The following PLEKHA2 variants were observed in gnomAD, a reference collection of about 807,000 sequenced individuals.
PLEKHA2 encodes pleckstrin homology domain-containing family A member 2.
In PLEKHA2, 28 loss-of-function variants were observed where a neutral mutation model predicts 53.2. The ratio of observed to expected loss-of-function variants is 0.53; its 90% CI spans 0.39 to 0.72. The LOEUF (loss-of-function observed/expected upper bound fraction) is 0.72, where lower values mean the gene tolerates loss of function less well. Among genes scored for constraint, PLEKHA2 ranks in the 30% least tolerant of loss-of-function variants. The probability of loss-of-function intolerance (pLI) is 0.00; values close to 1 mark genes in which losing one functional copy is unlikely to be tolerated. For synonymous variants in PLEKHA2, 193 were observed against 196.4 expected (o/e 0.98, Z 0.14); for missense variants, 426 against 537.9 (o/e 0.79, Z 2.06).
rs569906409 is a variant in PLEKHA2 at position 38,970,106 on chromosome 8, C to T, written c.*323C>T. ...TCTTCCTGGAGAGGGATTGTTTTAG[C>T]AGCTCCTCTCCAGAGGGGGCTGGAA... On this transcript the variant is annotated 3_prime_UTR_variant, in exon 12 of 12. Transcript: ENST00000617275. 4 of 464,904 alleles carry T rather than the reference C, an allele frequency of 8.6e-6. No homozygotes were observed. The highest frequency in any genetic ancestry group is 5.1e-5 in the South Asian group (1 of 19,592). 28.8% of individuals were successfully genotyped at this position (464,904 alleles called of 1,614,324 possible).
intron 1 of PLEKHA2, chr8:38,902,059 C>T (rs1330749533): frequency 2.6e-5 from 4 of 152,334 alleles, no homozygotes; most frequent in Non-Finnish European, 4.4e-5. Flanking sequence ...AAGGACTGCC[C>T]TAAAATGCAG....
intron 5 of PLEKHA2, among the ~76,000 whole-genome samples, chr8:38,950,310 A>T (rs1459578280): frequency 1.3e-5 from 2 of 152,164 alleles, no homozygotes; most frequent in Admixed American, 6.5e-5. Context: ...CTGGGGTTAC[A>T]GGTGTGAGGC....
intron 10 of PLEKHA2, among the ~76,000 whole-genome samples, chr8:38,962,630 A>C (rs73617908): frequency 0.011 from 1,605 of 152,350 alleles, 28 homozygotes; most frequent in African/African-American, 0.037. Context: ...CTACCAGGCA[A>C]GTAGAGGTCA....
At chr8:38,955,817 T>C (rs1025102308) in intron 9 of PLEKHA2, among the ~76,000 whole-genome samples, 1 of 152,170 alleles carries the variant, frequency 6.6e-6, no homozygotes, top group Non-Finnish European at 1.5e-5. Flanking sequence ...TGCTTCCTTA[T>C]GTTCTTTTTT....
At chr8:38,930,987 C>T (rs188439063) in intron 2 of PLEKHA2, among the ~76,000 whole-genome samples, 4 of 152,160 alleles carry the variant, frequency 2.6e-5, no homozygotes, top group African/African-American at 7.2e-5. Flanking sequence ...AGAAATCTCC[C>T]GAGGTGGCCA....
Position 38,917,954 on chromosome 8 carries a change from C to A in PLEKHA2, c.25C>A (p.Arg9=). Residue 9 remains arginine, a synonymous_variant, in exon 2 of 12, where the codon CGA becomes AGA. Transcript: ENST00000617275. MPYVDRQN[R]ICGFLDIEEH... ...AATGCCTTATGTGGATCGGCAGAACCGAATCTGTGGGTTTCTGGACATCGA... is the reference window on the plus strand; with the variant it reads ...AATGCCTTATGTGGATCGGCAGAACAGAATCTGTGGGTTTCTGGACATCGA... The A allele has an allele frequency of 6.2e-7, 1 of 1,613,566 alleles. No homozygotes were observed. Among genetic ancestry groups the A allele is most frequent in the Non-Finnish European group, 8.5e-7 (1 of 1,179,678 alleles).
At chr8:38,952,820 G>T in intron 8 of PLEKHA2, 116 bp downstream of exon 8, 2 of 1,074,632 alleles carry the variant, frequency 1.9e-6, no homozygotes, top group Non-Finnish European at 2.7e-6. Context: ...GACTTCAAAG[G>T]CGCCTCTGTC....
intron 10 of PLEKHA2, 86 bp downstream of exon 10, chr8:38,957,472 T>G: frequency 1.7e-6 from 2 of 1,202,062 alleles, no homozygotes; most frequent in Non-Finnish European, 2.4e-6. Context: ...TTGCTTTCTC[T>G]TTTCATTTGC....
chr8:38,949,673 CT>C (rs1834789256), intron 5 of PLEKHA2, among the ~76,000 whole-genome samples: 2 of 152,170 alleles, frequency 1.3e-5, no homozygotes, highest in South Asian at 4.1e-4. Context: ...CAAAAGGGCT[CT>C]GTGTATAATT....
intron 3 of PLEKHA2, among the ~76,000 whole-genome samples, chr8:38,938,844 G>A (rs954498006): frequency 1.3e-5 from 2 of 152,152 alleles, no homozygotes; most frequent in African/African-American, 4.8e-5. Context: ...CATGAGAGGA[G>A]GTGAAGCCAC....
At chr8:38,951,140 C>A in intron 6 of PLEKHA2, 150 bp downstream of exon 6, 1 of 806,304 alleles carries the variant, frequency 1.2e-6, no homozygotes, top group Non-Finnish European at 1.9e-6. Flanking sequence ...AAGTACAGGT[C>A]ATGTTACATC....
chr8:38,930,737 C>T (rs1246459478), intron 2 of PLEKHA2, among the ~76,000 whole-genome samples: 5 of 152,208 alleles, frequency 3.3e-5, no homozygotes, highest in African/African-American at 4.8e-5. Context: ...CCTCCTTCCT[C>T]TCTGTTGGCT....
chr8:38,953,678 A>G (rs544852925), intron 9 of PLEKHA2, among the ~76,000 whole-genome samples: 1 of 152,322 alleles, frequency 6.6e-6, no homozygotes, highest in Non-Finnish European at 1.5e-5. Flanking sequence ...AGGTGTTAGG[A>G]TTAGATGCTC....
intron 2 of PLEKHA2, among the ~76,000 whole-genome samples, chr8:38,933,781 A>AG (rs1834437722): frequency 7.0e-6 from 1 of 142,744 alleles, no homozygotes; most frequent in Non-Finnish European, 1.5e-5. Context: ...GGTTTCCTAA[A>AG]AAAAAAAAAA....
intron 10 of PLEKHA2, among the ~76,000 whole-genome samples, 166 bp from the exon 11 acceptor site, chr8:38,968,426 G>T (rs562574029): frequency 6.6e-6 from 1 of 152,264 alleles, no homozygotes; most frequent in East Asian, 1.9e-4. Flanking sequence ...AGATATTGCA[G>T]GGAAAACATG....
At chr8:38,926,016 C>T (rs1381475821) in intron 2 of PLEKHA2, among the ~76,000 whole-genome samples, 1 of 152,178 alleles carries the variant, frequency 6.6e-6, no homozygotes, top group South Asian at 2.1e-4. Flanking sequence ...CAAATTTCTC[C>T]CTCCCACTTC....
At chr8:38,917,230 C>T (rs1005176855) in intron 1 of PLEKHA2, among the ~76,000 whole-genome samples, 1 of 152,060 alleles carries the variant, frequency 6.6e-6, no homozygotes, top group Non-Finnish European at 1.5e-5. Context: ...TGGGTTTTCT[C>T]TTCACTTTGT....
intron 3 of PLEKHA2, among the ~76,000 whole-genome samples, chr8:38,939,785 C>T (rs1303461220): frequency 6.6e-6 from 1 of 152,250 alleles, no homozygotes; most frequent in Middle Eastern, 3.4e-3. Context: ...TTTTCAATGT[C>T]ATTCTAAAGC....
At chr8:38,911,218 G>C (rs1304741191) in intron 1 of PLEKHA2, among the ~76,000 whole-genome samples, 2 of 149,530 alleles carry the variant, frequency 1.3e-5, no homozygotes, top group African/African-American at 4.9e-5. Context: ...GGGGTATCTA[G>C]AGCTCTAACC....
Sources: allele counts gnomAD v4.1 joint callset (sites outside exome capture counted in the v4.1 genomes callset), GRCh38; gene constraint gnomAD v4.1.1; transcripts MANE v1.5; gene names NCBI Gene and HGNC (gene_info 2026-07-23, HGNC 2026-07-21).